APOLD1: variants seen among roughly 807,000 people sequenced by gnomAD.
APOLD1 encodes apolipoprotein L domain containing 1.
APOLD1 carries 22 observed loss-of-function variants against 15.3 expected under a neutral mutation model. The observed-to-expected ratio is 1.44, with a 90% CI of 1.03 to 2.05. APOLD1 has a LOEUF of 2.05. APOLD1 is among the 30% of genes most tolerant of loss of function. APOLD1 has a pLI of 0.00. For synonymous variants in APOLD1, 190 were observed against 167.4 expected (o/e 1.13, Z -1.04); for missense variants, 394 against 353.5 (o/e 1.11, Z -0.92).
chr12:12,785,516 T>G (rs1337777759), upstream of APOLD1: 1 of 1,044,958 alleles, frequency 9.6e-7, no homozygotes, highest in Non-Finnish European at 1.4e-6. Flanking sequence ...TGGCAGGTCA[T>G]TTTCCACCAT....
chr12:12,736,542 TAAAATA>T (rs1371344597), intron 1 of APOLD1, among the ~76,000 whole-genome samples: 2 of 152,042 alleles, frequency 1.3e-5, no homozygotes, highest in Admixed American at 1.3e-4. Flanking sequence ...AATAAATAAA[TAAAATA>T]AAATAAGAGA....
intron 1 of APOLD1, among the ~76,000 whole-genome samples, chr12:12,778,363 A>C (rs2136396495): frequency 6.6e-6 from 1 of 151,812 alleles, no homozygotes; most frequent in South Asian, 2.1e-4. Context: ...TCTGTTGCCC[A>C]GGCTGGAGTG....
At chr12:12,754,201 T>C (rs1453919342) in intron 1 of APOLD1, among the ~76,000 whole-genome samples, 1 of 10,934 alleles carries the variant, frequency 9.1e-5, no homozygotes, top group Non-Finnish European at 3.1e-4. Context: ...AGACTCTGTC[T>C]CAAAAAAAAA....
intron 1 of APOLD1, among the ~76,000 whole-genome samples, chr12:12,744,307 TAAA>T (rs35191312): frequency 6.0e-4 from 79 of 131,150 alleles, no homozygotes; most frequent in African/African-American, 8.3e-4. Context: ...AGACCCTGCT[TAAA>T]AAAAAAAAAA....
rs1351862362 is a variant in APOLD1, at chr12:12,787,592, G to T, written c.687G>T (p.Lys229Asn). The stretch of plus-strand genomic sequence containing the variant: ...AGTCTCGGGTTCAGCTCTGCACCAA[G>T]TCCAGTCGTGGCCACGACCTCAAGA... ...QLESRVQLCT[K>N]SSRGHDLKIS... The change falls in exon 2 of 2, where the codon AAG becomes AAT. Residue 229 changes from lysine to asparagine, a missense_variant. Coordinates refer to ENST00000356591, the MANE Select transcript of APOLD1 (RefSeq NM_030817.3). This position sits in a 1 kb window ranked among gnomAD's most constrained non-coding sequence, Gnocchi z 4.9. The T allele has an allele frequency of 1.8e-5, 29 of 1,611,728 alleles. No homozygotes were observed. Among genetic ancestry groups the T allele is most frequent in the Non-Finnish European group, 2.3e-5 (27 of 1,180,012 alleles).
At chr12:12,754,222 A>AAAAAAAGG (rs1260524812) in intron 1 of APOLD1, among the ~76,000 whole-genome samples, 4 of 150,484 alleles carry the variant, frequency 2.7e-5, no homozygotes, top group Admixed American at 6.6e-5. Flanking sequence ...AGGAAAAAGA[A>AAAAAAAGG]AAAAAGAAAA....
At chr12:12,744,310 A>C (rs1164085084) in intron 1 of APOLD1, among the ~76,000 whole-genome samples, 2 of 124,960 alleles carry the variant, frequency 1.6e-5, no homozygotes, top group Non-Finnish European at 3.6e-5. Flanking sequence ...CCCTGCTTAA[A>C]AAAAAAAAAA....
intron 1 of APOLD1, among the ~76,000 whole-genome samples, chr12:12,737,144 T>A (rs115240719): frequency 0.013 from 1,917 of 152,302 alleles, 36 homozygotes; most frequent in African/African-American, 0.043. Flanking sequence ...TATTCGAAGA[T>A]GTTTTGGCCA....
upstream of APOLD1, among the ~76,000 whole-genome samples, chr12:12,784,464 G>A (rs1241673308): frequency 6.6e-6 from 1 of 152,112 alleles, no homozygotes; most frequent in Admixed American, 6.5e-5. Flanking sequence ...ATTTGGAAGT[G>A]GACCAAATCT....
intron 1 of APOLD1, among the ~76,000 whole-genome samples, chr12:12,748,052 T>C (rs1946779844): frequency 6.6e-6 from 1 of 152,190 alleles, no homozygotes; most frequent in African/African-American, 2.4e-5. Flanking sequence ...TCAGAGGGCC[T>C]AAGTGGGGAC....
chr12:12,767,089 T>C (rs1004168501), intron 1 of APOLD1, among the ~76,000 whole-genome samples: 1 of 151,126 alleles, frequency 6.6e-6, no homozygotes, highest in Non-Finnish European at 1.5e-5. Context: ...CTATTAAAAA[T>C]ACAAAAATCA....
chr12:12,769,416 A>C (rs1313133807), intron 1 of APOLD1, among the ~76,000 whole-genome samples: 1 of 152,190 alleles, frequency 6.6e-6, no homozygotes, highest in Non-Finnish European at 1.5e-5. Flanking sequence ...CTTCATGGGA[A>C]TCAGTGCTGG....
chr12:12,774,882 A>C (rs1405075623), intron 1 of APOLD1, among the ~76,000 whole-genome samples: 1 of 152,210 alleles, frequency 6.6e-6, no homozygotes, highest in Non-Finnish European at 1.5e-5. Context: ...AGTTTGGAAG[A>C]CAGTTTGGCA....
intron 1 of APOLD1, among the ~76,000 whole-genome samples, chr12:12,752,804 G>A (rs1946822250): frequency 6.6e-6 from 1 of 152,202 alleles, no homozygotes; most frequent in Non-Finnish European, 1.5e-5. Context: ...AGCAGTGACA[G>A]GAAGTTCAAA....
Position 12,787,426 on chromosome 12 carries a change from G to A in APOLD1, c.521G>A (p.Gly174Asp). Residue 174 changes from glycine (G) to aspartate (D), a missense_variant, in exon 2 of 2, where the codon GGC becomes GAC. Coordinates refer to ENST00000356591, the MANE Select transcript of APOLD1 (RefSeq NM_030817.3). The surrounding 1 kb of genome is among the most constrained non-coding windows in gnomAD (Gnocchi z 4.9). ...TCTGTCTACTTCATCGTCTTCTTTG[G>A]CTCACGTGGCTTCCTCATCCCCAGG... is the stretch of plus-strand genomic sequence containing the variant. ...YNSVYFIVFF[G>D]SRGFLIPRRA... is the part of the protein sequence containing the mutation. The A allele has an allele frequency of 6.2e-7, 1 of 1,614,190 alleles. No individual in the cohort carries two copies. The highest frequency in any genetic ancestry group is 8.5e-7 in the Non-Finnish European group (1 of 1,180,038).
chr12:12,755,389 C>A (rs764099734), intron 1 of APOLD1, among the ~76,000 whole-genome samples: 2 of 151,532 alleles, frequency 1.3e-5, no homozygotes, highest in Non-Finnish European at 1.5e-5. Flanking sequence ...ATACCCAAAC[C>A]GTAAAGGAAA....
intron 1 of APOLD1, among the ~76,000 whole-genome samples, chr12:12,779,073 ATTCCTTTGTCCATTCTG>A (rs1262685146): frequency 2.0e-5 from 3 of 152,106 alleles, no homozygotes; most frequent in Non-Finnish European, 4.4e-5. Flanking sequence ...ACACTCCTCC[ATTCCTTTGTCCATTCTG>A]TTCCTTTGTC....
chr12:12,731,921 T>C (rs1215179278), intron 1 of APOLD1, among the ~76,000 whole-genome samples: 1 of 152,212 alleles, frequency 6.6e-6, no homozygotes, highest in African/African-American at 2.4e-5. Flanking sequence ...ATCCAAATAA[T>C]GTTATCTTTA....
At chr12:12,786,888 C>T (rs1947129299) in intron 1 of APOLD1, 21 bp from the exon 2 acceptor site, 2 of 1,409,738 alleles carry the variant, frequency 1.4e-6, no homozygotes, top group South Asian at 1.6e-5. Context: ...CCAGGCTGAC[C>T]GCGTGTCTAT....
Sources: allele counts gnomAD v4.1 joint callset (sites outside exome capture counted in the v4.1 genomes callset), GRCh38; gene constraint gnomAD v4.1.1; non-coding constraint Gnocchi (gnomAD v3.1); transcripts MANE v1.5; gene names NCBI Gene and HGNC (gene_info 2026-07-23, HGNC 2026-07-21).